Variants in MTF2 observed in about 807,000 individuals in gnomAD.
The protein encoded by MTF2 is metal-response element-binding transcription factor 2.
In MTF2, 11 loss-of-function variants were observed where a neutral mutation model predicts 79.5. That is an observed-to-expected ratio of 0.14 (90% confidence interval 0.09 to 0.23). MTF2 has a LOEUF of 0.23. Ranked by LOEUF, MTF2 falls within the 10% of genes least tolerant of loss-of-function variation. The pLI, the probability that MTF2 is intolerant of heterozygous loss-of-function variation, is 1.00. For missense variants in MTF2, 486 were observed against 711.2 expected (o/e 0.68, Z 3.60); for synonymous variants, 208 against 232.8 (o/e 0.89, Z 0.97).
chr1:93,137,133 GTCAAAAAAAT>G lies in MTF2; in HGVS notation c.*115_*124del. The G allele has an allele frequency of 2.4e-6, 2 of 834,838 alleles. No individual in the cohort carries two copies. Among genetic ancestry groups the G allele is most frequent in the South Asian group, 2.0e-5 (1 of 50,856 alleles). 51.7% of individuals were successfully genotyped at this position (834,838 alleles called of 1,614,324 possible). A position where few individuals can be genotyped will look rare whatever the true frequency, so the allele number is the denominator to read the frequency against. Reference sequence around the variant, plus strand: ...CTATCTTTCTTAAAAAAAAAAAAAAGTCAAAAAAATTCAAAAAAGGGGATGATACTAGCCT... The same window carrying G: ...CTATCTTTCTTAAAAAAAAAAAAAAGTCAAAAAAGGGGATGATACTAGCCT... On this transcript the variant is annotated 3_prime_UTR_variant, in exon 15 of 15. Transcript: ENST00000370298.
At chr1:93,131,130 G>A (rs1268770017) in intron 11 of MTF2, among the ~76,000 whole-genome samples, 1 of 152,050 alleles carries the variant, frequency 6.6e-6, no homozygotes, top group Non-Finnish European at 1.5e-5. Flanking sequence ...GAGAAGAGAG[G>A]GTGGTCTGGG....
intron 3 of MTF2, among the ~76,000 whole-genome samples, chr1:93,112,577 T>G (rs182242278): frequency 6.6e-6 from 1 of 152,296 alleles, no homozygotes; most frequent in East Asian, 1.9e-4. Flanking sequence ...AATGCAGAAG[T>G]TTATAATTAT....
Position 93,099,821 on chromosome 1 carries a change from A to T in MTF2, c.6-10409A>T, listed in dbSNP as rs116624932. On this transcript the variant is annotated intron_variant, in intron 1 of 14. Coordinates refer to ENST00000370298, the MANE Select transcript of MTF2 (RefSeq NM_007358.4). ...TGTGGAAAAAAGATTTGAAATTATC[A>T]TTGACAGTTTGAAACAGGAGGCAAC... Among the ~76,000 whole-genome samples the T allele has an allele frequency of 3.1e-3, 472 of 152,322 alleles. 7 individuals are homozygous for T. The highest frequency in any genetic ancestry group is 0.011 in the African/African-American group (462 of 41,572).
At chr1:93,090,145 T>A (rs1321261633) in intron 1 of MTF2, among the ~76,000 whole-genome samples, 2 of 152,052 alleles carry the variant, frequency 1.3e-5, no homozygotes, top group Non-Finnish European at 2.9e-5. Flanking sequence ...CCCGGCTAAT[T>A]TTTTGTATTT....
chr1:93,114,804 A>G, intron 4 of MTF2, 21 bp downstream of exon 4: 1 of 1,541,654 alleles, frequency 6.5e-7, no homozygotes, highest in Non-Finnish European at 8.9e-7. Context: ...ATTTCTTTTA[A>G]TCTTGTTACA....
intron 1 of MTF2, among the ~76,000 whole-genome samples, chr1:93,108,279 T>C (rs1345095036): frequency 6.6e-6 from 1 of 152,200 alleles, no homozygotes; most frequent in East Asian, 1.9e-4. Context: ...TGTGTGTGTG[T>C]GTGTGTATGT....
chr1:93,100,638 G>A (rs987576292), intron 1 of MTF2, among the ~76,000 whole-genome samples: 4 of 152,132 alleles, frequency 2.6e-5, no homozygotes, highest in Non-Finnish European at 1.5e-5. Flanking sequence ...AAGGAGTAGA[G>A]CTGGCCTTTA....
At chr1:93,123,385 C>T (rs375732501) in intron 9 of MTF2, among the ~76,000 whole-genome samples, 5 of 151,122 alleles carry the variant, frequency 3.3e-5, no homozygotes, top group South Asian at 4.2e-4. Flanking sequence ...TCTTGTTATA[C>T]GTAATATAGA....
chr1:93,121,598 G>T, intron 9 of MTF2: 1 of 976,072 alleles, frequency 1.0e-6, no homozygotes, highest in Non-Finnish European at 1.2e-6. Context: ...ATATCAGGGA[G>T]AACATAATGC....
intron 1 of MTF2, among the ~76,000 whole-genome samples, chr1:93,086,603 A>G (rs137855726): frequency 8.5e-5 from 13 of 152,154 alleles, no homozygotes; most frequent in African/African-American, 3.1e-4. Flanking sequence ...AATAATTGAT[A>G]GGCAGCCCCG....
At position 93,120,268 on chromosome 1, in the gene MTF2, C is replaced by CA; in HGVS notation, c.798-280dup. The CA allele has an allele frequency of 2.0e-5, 4 of 203,360 alleles. No individual in the cohort carries two copies. In the South Asian group the frequency reaches 2.8e-4, roughly 14 times the overall value. 12.6% of individuals were successfully genotyped at this position (203,360 alleles called of 1,614,324 possible). ...CTGACGTTGTGCCATTGTACTACTC[C>CA]AGCCTGGGCAATCAGCGAAACTCTG... On this transcript the variant is annotated intron_variant, in intron 8 of 14. Coordinates refer to ENST00000370298, the MANE Select transcript of MTF2 (RefSeq NM_007358.4).
chr1:93,085,897 A>G (rs1654816522), intron 1 of MTF2, among the ~76,000 whole-genome samples: 1 of 152,190 alleles, frequency 6.6e-6, no homozygotes, highest in African/African-American at 2.4e-5. Flanking sequence ...GTGGATACCA[A>G]GGGACAACTA....
intron 14 of MTF2, 46 bp from the exon 15 acceptor site, chr1:93,136,624 T>C (rs1437907459): frequency 6.8e-7 from 1 of 1,467,226 alleles, no homozygotes; most frequent in Non-Finnish European, 9.4e-7. Flanking sequence ...GGGCATAGGA[T>C]GCTAAAAAAG....
chr1:93,134,183 C>T lies in MTF2; in HGVS notation c.1412C>T (p.Ser471Phe). 1 of 1,605,508 alleles carries T rather than the reference C, an allele frequency of 6.2e-7. No homozygotes were observed. The highest frequency in any genetic ancestry group is 1.1e-5 in the South Asian group (1 of 90,350). The change falls in exon 14 of 15, where the codon TCC becomes TTC. Residue 471 changes from serine to phenylalanine, a missense_variant. By Grantham distance (155) the Ser-to-Phe change is radical. Transcript: ENST00000370298. ...SAKETTSSSI[S>F]RHYGLSDSRK... ...AAAGAAACTACCTCGTCTAGCATTT[C>T]CAGGCATTATGGGTAGATATTTTAC... is the stretch of plus-strand genomic sequence containing the variant.
chr1:93,116,243 T>G (rs1033760156), intron 6 of MTF2, among the ~76,000 whole-genome samples: 5 of 152,098 alleles, frequency 3.3e-5, no homozygotes, highest in Non-Finnish European at 7.4e-5. Context: ...AGTATTTTTT[T>G]TTTTGTAAAG....
At chr1:93,105,857 G>T (rs1202048146) in intron 1 of MTF2, among the ~76,000 whole-genome samples, 1 of 152,072 alleles carries the variant, frequency 6.6e-6, no homozygotes, top group Non-Finnish European at 1.5e-5. Flanking sequence ...TGTATTTTAA[G>T]TAGAGACGTG....
At chr1:93,113,528 A>C (rs184112827) in intron 3 of MTF2, among the ~76,000 whole-genome samples, 1 of 152,218 alleles carries the variant, frequency 6.6e-6, no homozygotes, top group African/African-American at 2.4e-5. Flanking sequence ...AGAGTAGAGT[A>C]ATAATGAAGT....
chr1:93,113,556 C>T (rs1205524374), intron 3 of MTF2, among the ~76,000 whole-genome samples: 1 of 152,042 alleles, frequency 6.6e-6, no homozygotes, highest in African/African-American at 2.4e-5. Flanking sequence ...GTTATTTCCA[C>T]TAGATGTAAT....
intron 1 of MTF2, among the ~76,000 whole-genome samples, chr1:93,092,985 A>C (rs991491978): frequency 1.3e-5 from 2 of 152,108 alleles, no homozygotes; most frequent in Admixed American, 1.3e-4. Context: ...GATCGAGATC[A>C]TCCTGGTTTG....
Sources: allele counts gnomAD v4.1 joint callset (sites outside exome capture counted in the v4.1 genomes callset), GRCh38; gene constraint gnomAD v4.1.1; transcripts MANE v1.5; gene names NCBI Gene and HGNC (gene_info 2026-07-23, HGNC 2026-07-21).